Variants in ZNF804B observed in about 807,000 individuals in gnomAD.
ZNF804B encodes zinc finger protein 804B.
Under a neutral mutation model 101.4 loss-of-function variants are expected in ZNF804B, and 80 were observed. The ratio of observed to expected loss-of-function variants is 0.79; its 90% CI spans 0.66 to 0.95. The LOEUF is 0.95. Ranked by LOEUF, ZNF804B falls within the 40% of genes least tolerant of loss-of-function variation. The pLI, the probability that ZNF804B is intolerant of heterozygous loss-of-function variation, is 0.00. For missense variants in ZNF804B, 1,673 were observed against 1,561.9 expected (o/e 1.07, Z -1.20); for synonymous variants, 622 against 558.8 (o/e 1.11, Z -1.59).
chr7:89,087,920 A>C (rs1789830555), intron 1 of ZNF804B, among the ~76,000 whole-genome samples: 1 of 151,698 alleles, frequency 6.6e-6, no homozygotes. Flanking sequence ...TCTGGAAATA[A>C]AGATCTCTCA....
chr7:88,867,405 T>C lies in ZNF804B; in HGVS notation c.108+107321T>C, dbSNP rs577908339. ...AGTCCAAAGACCAGAGAACCTGGAG[T>C]TTTAATATCCAGGGGCAGGAGAAAA... On this transcript the variant is annotated intron_variant, in intron 1 of 3. Transcript: ENST00000333190. Among the ~76,000 whole-genome samples the C allele has an allele frequency of 5.1e-4, 77 of 151,930 alleles. 1 individual carries two copies. The highest frequency in any genetic ancestry group is 1.8e-3 in the African/African-American group (73 of 41,426).
chr7:89,228,149 T>A (rs1789124024), intron 2 of ZNF804B, among the ~76,000 whole-genome samples: 1 of 152,124 alleles, frequency 6.6e-6, no homozygotes, highest in Admixed American at 6.5e-5. Context: ...TTCTTCCTTC[T>A]GGTGGGTACG....
At chr7:89,191,251 T>C (rs564625694) in intron 1 of ZNF804B, among the ~76,000 whole-genome samples, 1 of 152,258 alleles carries the variant, frequency 6.6e-6, no homozygotes, top group South Asian at 2.1e-4. Flanking sequence ...CACATATATT[T>C]AAGAAAAGTA....
intron 1 of ZNF804B, among the ~76,000 whole-genome samples, chr7:89,205,076 C>T (rs186815065): frequency 3.9e-5 from 6 of 152,230 alleles, no homozygotes; most frequent in African/African-American, 9.6e-5. Flanking sequence ...CAGGCAAGAG[C>T]GCATGTGCAG....
chr7:88,768,137 A>G (rs532656806), intron 1 of ZNF804B, among the ~76,000 whole-genome samples: 1 of 152,354 alleles, frequency 6.6e-6, no homozygotes, highest in South Asian at 2.1e-4. Flanking sequence ...ACAATATATT[A>G]TTAGATTCTT....
At chr7:88,998,202 T>G (rs1052335029) in intron 1 of ZNF804B, among the ~76,000 whole-genome samples, 2 of 152,086 alleles carry the variant, frequency 1.3e-5, no homozygotes, top group Admixed American at 1.3e-4. Flanking sequence ...TGAGCATGTA[T>G]TATTTTTAAT....
intron 1 of ZNF804B, among the ~76,000 whole-genome samples, chr7:89,009,989 A>G (rs1327360367): frequency 6.6e-6 from 1 of 152,114 alleles, no homozygotes; most frequent in African/African-American, 2.4e-5. Context: ...CTCAGCTCTA[A>G]ATCTATCACC....
chr7:89,325,139 C>T (rs1646801182), intron 2 of ZNF804B, among the ~76,000 whole-genome samples: 1 of 151,878 alleles, frequency 6.6e-6, no homozygotes, highest in South Asian at 2.1e-4. Context: ...GGAACAGTTT[C>T]CTCACAGAGA....
chr7:89,004,043 A>G (rs1301134304), intron 1 of ZNF804B, among the ~76,000 whole-genome samples: 2 of 131,986 alleles, frequency 1.5e-5, no homozygotes, highest in Non-Finnish European at 3.2e-5. Flanking sequence ...TGAAAATGTG[A>G]TCCTGAATGA....
At position 89,298,153 on chromosome 7, in the gene ZNF804B, G is replaced by GTA. The variant is rs1439062511; in HGVS notation, c.250-29179_250-29178dup. Among the ~76,000 whole-genome samples the GTA allele has an allele frequency of 5.2e-3, 492 of 94,904 alleles. 10 individuals carry two copies. The highest frequency in any genetic ancestry group is 7.3e-3 in the Non-Finnish European group (349 of 47,798). 62.3% of individuals were successfully genotyped at this position (94,904 alleles called of 152,430 possible). Reference sequence around the variant, plus strand: ...TATATATATATATATCATATATATAGTATATATATATATTTCATATATATA... The same window carrying GTA: ...TATATATATATATATCATATATATAGTATATATATATATATTTCATATATATA... On this transcript the variant is annotated intron_variant, in intron 2 of 3. Transcript: ENST00000333190.
chr7:88,932,295 T>G (rs1792899180), intron 1 of ZNF804B, among the ~76,000 whole-genome samples: 1 of 151,642 alleles, frequency 6.6e-6, no homozygotes, highest in Non-Finnish European at 1.5e-5. Context: ...CATCAAAAAG[T>G]CTGAAAGAGT....
At chr7:89,326,673 T>C (rs1202068593) in intron 2 of ZNF804B, among the ~76,000 whole-genome samples, 1 of 152,084 alleles carries the variant, frequency 6.6e-6, no homozygotes, top group East Asian at 1.9e-4. Context: ...AGAAGAGGTC[T>C]TACTTGCATG....
intron 2 of ZNF804B, among the ~76,000 whole-genome samples, chr7:89,293,302 G>A (rs1790326513): frequency 6.6e-6 from 1 of 151,948 alleles, no homozygotes; most frequent in Admixed American, 6.6e-5. Flanking sequence ...TGAGGTGATG[G>A]ATACGTTAAT....
intron 1 of ZNF804B, among the ~76,000 whole-genome samples, chr7:88,857,455 C>G (rs1437915775): frequency 6.6e-6 from 1 of 152,114 alleles, no homozygotes; most frequent in Non-Finnish European, 1.5e-5. Context: ...CACAGAAATA[C>G]AAACTACCAT....
At chr7:89,324,209 C>A (rs1790864656) in intron 2 of ZNF804B, among the ~76,000 whole-genome samples, 1 of 151,382 alleles carries the variant, frequency 6.6e-6, no homozygotes, top group African/African-American at 2.4e-5. Flanking sequence ...AATAATTGTC[C>A]ATTTTTTCCT....
rs1336504938 is a variant in ZNF804B at position 89,091,631 on chromosome 7, A to G, written c.109-126524A>G. 2.0e-5 allele frequency among the ~76,000 whole-genome samples: 3 copies of G among 152,212 alleles called. No homozygotes were observed. The East Asian group carries it at 5.8e-4, about 29-fold the overall frequency. On this transcript the variant is annotated intron_variant, in intron 1 of 3. Transcript: ENST00000333190. ...TGAGGATTTTAAATTTTTCAAGGAT[A>G]GACAATACATCCCACAAAGAGCACA...
intron 1 of ZNF804B, among the ~76,000 whole-genome samples, chr7:89,037,147 T>C (rs1788941154): frequency 6.6e-6 from 1 of 152,162 alleles, no homozygotes; most frequent in Non-Finnish European, 1.5e-5. Context: ...AAAATATTCC[T>C]CTGAGTCCTA....
intron 2 of ZNF804B, among the ~76,000 whole-genome samples, chr7:89,245,411 TTAACTAGC>T (rs1486528488): frequency 6.6e-6 from 1 of 152,172 alleles, no homozygotes; most frequent in Non-Finnish European, 1.5e-5. Context: ...CATACTGCTC[TTAACTAGC>T]TAAGGGAAAA....
chr7:89,008,800 T>C (rs1401485795), intron 1 of ZNF804B, among the ~76,000 whole-genome samples: 2 of 152,182 alleles, frequency 1.3e-5, no homozygotes, highest in Non-Finnish European at 2.9e-5. Flanking sequence ...CACTTTCAAG[T>C]AGACCCTTAC....
Sources: allele counts gnomAD v4.1 joint callset (sites outside exome capture counted in the v4.1 genomes callset), GRCh38; gene constraint gnomAD v4.1.1; transcripts MANE v1.5; gene names NCBI Gene and HGNC (gene_info 2026-07-23, HGNC 2026-07-21).